Variants in RSU1 observed in about 807,000 individuals in gnomAD.
The protein encoded by RSU1 is Ras suppressor protein 1.
RSU1 carries 26 observed loss-of-function variants against 31.1 expected under a neutral mutation model. The observed-to-expected ratio is 0.84, with a 90% confidence interval of 0.61 to 1.16. The LOEUF (loss-of-function observed/expected upper bound fraction) is 1.16. Among genes scored for constraint, RSU1 ranks in the 50% most tolerant of loss-of-function variants. The pLI is 0.00. For synonymous variants in RSU1, 164 were observed against 136.3 expected, an observed-to-expected ratio of 1.20 and a Z score of -1.41; for missense variants, 320 against 339.1, an observed-to-expected ratio of 0.94 and a Z score of 0.44.
chr10:16,792,443 AGCTGGTCTCG>A (rs1837943480), intron 2 of RSU1, among the ~76,000 whole-genome samples: 1 of 152,116 alleles, frequency 6.6e-6, no homozygotes, highest in Non-Finnish European at 1.5e-5. Context: ...ACGTCGGCCA[AGCTGGTCTCG>A]AACTCCCGAC....
intron 7 of RSU1, among the ~76,000 whole-genome samples, chr10:16,708,201 G>A (rs149134540): frequency 4.1e-4 from 63 of 152,110 alleles, no homozygotes; most frequent in African/African-American, 1.3e-3. Context: ...AAACCTTACG[G>A]ATAACATAGT....
chr10:16,693,979 C>T (rs1835620546), intron 8 of RSU1, among the ~76,000 whole-genome samples: 1 of 152,014 alleles, frequency 6.6e-6, no homozygotes, highest in Non-Finnish European at 1.5e-5. Context: ...TAAAATTATA[C>T]TAGATCTCAG....
At chr10:16,667,112 G>C (rs1835008181) in intron 8 of RSU1, among the ~76,000 whole-genome samples, 1 of 152,048 alleles carries the variant, frequency 6.6e-6, no homozygotes, top group African/African-American at 2.4e-5. Context: ...AAAGACTCTG[G>C]GTCTATCTCC....
At chr10:16,798,626 T>C (rs1252265526) in intron 2 of RSU1, among the ~76,000 whole-genome samples, 1 of 152,186 alleles carries the variant, frequency 6.6e-6, no homozygotes, top group Non-Finnish European at 1.5e-5. Flanking sequence ...GGTGAGTCAA[T>C]TAAACCTCTT....
intron 3 of RSU1, among the ~76,000 whole-genome samples, chr10:16,771,150 G>C (rs1837418063): frequency 1.3e-5 from 2 of 152,046 alleles, no homozygotes; most frequent in South Asian, 4.1e-4. Flanking sequence ...CTACAACCAA[G>C]TCACTAGAAA....
At chr10:16,814,951 A>C (rs1838495934) in intron 2 of RSU1, among the ~76,000 whole-genome samples, 1 of 152,268 alleles carries the variant, frequency 6.6e-6, no homozygotes, top group Non-Finnish European at 1.5e-5. Context: ...TCAAAAGCCG[A>C]AGGGTACAAA....
At chr10:16,674,373 AATGTGTCACGG>A (rs1265080143) in intron 8 of RSU1, among the ~76,000 whole-genome samples, 11 of 152,028 alleles carry the variant, frequency 7.2e-5, no homozygotes, top group African/African-American at 1.2e-4. Context: ...AAACACTGAA[AATGTGTCACGG>A]ATGTGTCACG....
chr10:16,628,579 AGAAAG>A (rs1427517800), intron 8 of RSU1, among the ~76,000 whole-genome samples: 1 of 152,234 alleles, frequency 6.6e-6, no homozygotes, highest in Non-Finnish European at 1.5e-5. Context: ...CAACTACATG[AGAAAG>A]GAAAGGCATT....
intron 2 of RSU1, among the ~76,000 whole-genome samples, chr10:16,803,554 G>A (rs909389854): frequency 1.1e-4 from 16 of 152,282 alleles, no homozygotes; most frequent in Non-Finnish European, 2.1e-4. Context: ...AATACAGTTG[G>A]AGCACTGACA....
chr10:16,791,009 G>T (rs945637149), intron 2 of RSU1, among the ~76,000 whole-genome samples: 1 of 152,096 alleles, frequency 6.6e-6, no homozygotes, highest in Non-Finnish European at 1.5e-5. Flanking sequence ...ACTAATACAG[G>T]ATATAACATG....
intron 7 of RSU1, among the ~76,000 whole-genome samples, chr10:16,731,862 A>G (rs1836517950): frequency 6.6e-6 from 1 of 151,932 alleles, no homozygotes; most frequent in Non-Finnish European, 1.5e-5. Context: ...ATTTATCTCC[A>G]ACGCTTTTGA....
chr10:16,645,163 G>A (rs774874794), intron 8 of RSU1, among the ~76,000 whole-genome samples: 1 of 152,194 alleles, frequency 6.6e-6, no homozygotes, highest in Non-Finnish European at 1.5e-5. Flanking sequence ...TCATGTCAGA[G>A]TTGCAAATTT....
intron 2 of RSU1, among the ~76,000 whole-genome samples, chr10:16,791,638 A>C (rs982138145): frequency 2.2e-5 from 2 of 92,556 alleles, no homozygotes; most frequent in African/African-American, 8.6e-5. Flanking sequence ...AAAAAAACAA[A>C]AAAAAAAAAA....
At chr10:16,763,274 G>A (rs1283264721) in intron 4 of RSU1, among the ~76,000 whole-genome samples, 1 of 152,142 alleles carries the variant, frequency 6.6e-6, no homozygotes, top group African/African-American at 2.4e-5. Flanking sequence ...TAACTTACAA[G>A]AAAAGAGGTT....
intron 2 of RSU1, among the ~76,000 whole-genome samples, chr10:16,798,527 C>T (rs1258068103): frequency 6.6e-6 from 1 of 152,174 alleles, no homozygotes. Flanking sequence ...CTCAGCACTT[C>T]TCCATCCTAC....
At chr10:16,806,798 G>A (rs149498607) in intron 2 of RSU1, among the ~76,000 whole-genome samples, 4 of 152,136 alleles carry the variant, frequency 2.6e-5, no homozygotes, top group Non-Finnish European at 5.9e-5. Context: ...TTGTCGCCCA[G>A]GCTGGAGTAC....
At chr10:16,713,817 T>G (rs551370874) in intron 7 of RSU1, among the ~76,000 whole-genome samples, 2 of 152,326 alleles carry the variant, frequency 1.3e-5, no homozygotes, top group Non-Finnish European at 2.9e-5. Flanking sequence ...CTTTCCAGGT[T>G]TATGAAGTAA....
chr10:16,787,426 C>T (rs1378849784), intron 2 of RSU1, among the ~76,000 whole-genome samples: 5 of 152,116 alleles, frequency 3.3e-5, no homozygotes, highest in Admixed American at 1.3e-4. Flanking sequence ...TTGCCCAACC[C>T]GCACGGCTGC....
chr10:16,652,603 C>T (rs555716398), intron 8 of RSU1, among the ~76,000 whole-genome samples: 2 of 152,170 alleles, frequency 1.3e-5, no homozygotes, highest in South Asian at 2.1e-4. Flanking sequence ...GTAAATTACA[C>T]TTCAATTAAA....
Sources: gnomAD v4.1 joint callset for allele counts (sites outside exome capture counted in the v4.1 genomes callset) on GRCh38, gnomAD v4.1.1 for gene constraint, MANE v1.5 for transcripts, NCBI Gene and HGNC (gene_info 2026-07-23, HGNC 2026-07-21) for gene names.